The following PCSK2 variants were observed in gnomAD, a reference collection of about 807,000 sequenced individuals.
PCSK2 encodes the protein proprotein convertase subtilisin/kexin type 2.
A neutral mutation model predicts 69.7 loss-of-function variants in PCSK2; 14 were observed. The ratio of observed to expected loss-of-function variants is 0.20; its 90% CI spans 0.13 to 0.31. The LOEUF (loss-of-function observed/expected upper bound fraction) is 0.31. PCSK2 is among the 10% of genes least tolerant of loss of function. PCSK2 has a pLI of 1.00. For missense variants in PCSK2, 544 were observed against 842.5 expected, an observed-to-expected ratio of 0.65 and a Z score of 4.39; for synonymous variants, 307 against 320.7, an observed-to-expected ratio of 0.96 and a Z score of 0.46.
rs1404488117 is a variant in PCSK2 at position 17,453,715 on chromosome 20, C to T, written c.886-27C>T. ...CCCTCGCAGCCCAGGCTGTGGGTAG[C>T]GGCAGCGTCTCCCCTGCTCTCCCCA... On this transcript the variant is annotated intron_variant, in intron 8 of 11. Transcript: ENST00000262545. The surrounding 1 kb of genome is among the most constrained non-coding windows in gnomAD (Gnocchi z 4.0). 1.9e-6 allele frequency: 3 copies of T among 1,608,600 alleles called. No individual in the cohort carries two copies. The highest frequency in any genetic ancestry group is 2.2e-5 in the East Asian group (1 of 44,838).
intron 2 of PCSK2, among the ~76,000 whole-genome samples, chr20:17,284,724 A>G (rs1988452537): frequency 6.6e-6 from 1 of 152,200 alleles, no homozygotes; most frequent in Non-Finnish European, 1.5e-5. Flanking sequence ...AGATTTAACC[A>G]TAGGGCCACC....
At chr20:17,360,683 C>G in intron 4 of PCSK2, 43 bp downstream of exon 4, 1 of 1,121,054 alleles carries the variant, frequency 8.9e-7, no homozygotes, top group Non-Finnish European at 1.3e-6. Context: ...AATAAGCGTG[C>G]CTTTGCTTGC....
intron 4 of PCSK2, among the ~76,000 whole-genome samples, chr20:17,365,725 G>C (rs1225173967): frequency 6.6e-6 from 1 of 152,190 alleles, no homozygotes; most frequent in African/African-American, 2.4e-5. Context: ...TTCCCAAAGG[G>C]AGAAATAGGA....
At chr20:17,455,843 G>T (rs143004792) in intron 9 of PCSK2, among the ~76,000 whole-genome samples, 3 of 152,138 alleles carry the variant, frequency 2.0e-5, no homozygotes, top group Non-Finnish European at 4.4e-5. Flanking sequence ...CCCCTTTTAC[G>T]TGGGCTACTA....
At chr20:17,362,655 G>A (rs577427053) in intron 4 of PCSK2, among the ~76,000 whole-genome samples, 1 of 152,334 alleles carries the variant, frequency 6.6e-6, no homozygotes, top group East Asian at 1.9e-4. Context: ...AAGAGAAGAA[G>A]CAGAAGCTGC....
Position 17,227,372 on chromosome 20 carries a change from G to T in PCSK2, c.67G>T (p.Ala23Ser). The T allele has an allele frequency of 1.2e-6, 2 of 1,613,936 alleles. No individual in the cohort carries two copies. The highest frequency in any genetic ancestry group is 1.7e-6 in the Non-Finnish European group (2 of 1,179,904). ...GTTCCTCTTCTGTGTCATGGTTTTTGCATCTGCTGAGCGACCGGTCTTCAC... is the reference window on the plus strand; with the variant it reads ...GTTCCTCTTCTGTGTCATGGTTTTTTCATCTGCTGAGCGACCGGTCTTCAC... ...AGFLFCVMVFASAERPVFTNH... is the reference protein window; with the variant it reads ...AGFLFCVMVFSSAERPVFTNH... The change falls in exon 1 of 12, where the codon GCA (alanine) becomes TCA (serine). Residue 23 changes from alanine (A) to serine (S), a missense_variant. Around this residue, in one of 3 missense-constraint regions of PCSK2, gnomAD observed 157 missense variants for 155.0 expected, o/e 1.01. Transcript: ENST00000262545.
chr20:17,345,029 C>T (rs915402215), intron 2 of PCSK2, among the ~76,000 whole-genome samples: 2 of 152,204 alleles, frequency 1.3e-5, no homozygotes, highest in African/African-American at 2.4e-5. Context: ...TAAGTGATAA[C>T]ACCTGGATGT....
chr20:17,303,492 T>TATAATATATA (rs1568593606), intron 2 of PCSK2, among the ~76,000 whole-genome samples: 2 of 57,782 alleles, frequency 3.5e-5, no homozygotes, highest in Non-Finnish European at 7.2e-5. Context: ...ATATATTATA[T>TATAATATATA]TTAATATAAT....
In PCSK2 at chr20:17,370,638, C is replaced by T. The variant is rs146038437; in HGVS notation, c.543+1361C>T. Among the ~76,000 whole-genome samples the T allele has an allele frequency of 2.6e-5, 4 of 152,268 alleles. No individual in the cohort carries two copies. The East Asian group carries it at 7.7e-4, about 29-fold the overall frequency. ...TGTGTGTGGAGTCTGAGGAAACAGC[C>T]CTTCTCCCTGTCTCCTCATGGTGCC... On this transcript the variant is annotated intron_variant, in intron 5 of 11. Coordinates refer to ENST00000262545, the MANE Select transcript of PCSK2 (RefSeq NM_002594.5).
chr20:17,429,345 T>C (rs942257988), intron 6 of PCSK2, 90 bp from the exon 7 acceptor site: 36 of 915,616 alleles, frequency 3.9e-5, no homozygotes, highest in Non-Finnish European at 6.3e-5. Flanking sequence ...GCAGATTTCA[T>C]TTTTGTTCCA....
In PCSK2 at chr20:17,481,630, G is replaced by A; in HGVS notation, c.1477G>A (p.Ala493Thr). 1 of 1,614,014 alleles carries A rather than the reference G, an allele frequency of 6.2e-7. No homozygotes were observed. The highest frequency in any genetic ancestry group is 8.5e-7 in the Non-Finnish European group (1 of 1,179,992). ...GKLVLTLTTD[A>T]CEGKENFVRY... Reference sequence around the variant, plus strand: ...GTTGGTGCTGACACTCACAACCGACGCCTGTGAGGGGAAGGAAAATTTTGT... The same window carrying A: ...GTTGGTGCTGACACTCACAACCGACACCTGTGAGGGGAAGGAAAATTTTGT... Residue 493 changes from alanine (A) to threonine (T), a missense_variant, in exon 12 of 12, where the codon GCC becomes ACC. Coordinates refer to ENST00000262545, the MANE Select transcript of PCSK2 (RefSeq NM_002594.5).
intron 10 of PCSK2, among the ~76,000 whole-genome samples, chr20:17,458,397 C>T (rs963788376): frequency 2.0e-5 from 3 of 152,180 alleles, no homozygotes; most frequent in Non-Finnish European, 2.9e-5. Flanking sequence ...GTTTGTTCTA[C>T]CTCCAGGCAA....
At chr20:17,313,688 G>A (rs939334531) in intron 2 of PCSK2, among the ~76,000 whole-genome samples, 38 of 152,236 alleles carry the variant, frequency 2.5e-4, no homozygotes, top group African/African-American at 7.9e-4. Context: ...GGGTCACTGC[G>A]GGGTGATTCA....
At chr20:17,420,615 A>C (rs2123322848) in intron 6 of PCSK2, among the ~76,000 whole-genome samples, 1 of 152,346 alleles carries the variant, frequency 6.6e-6, no homozygotes, top group Non-Finnish European at 1.5e-5. Context: ...TGGTAAAAGA[A>C]AGACCTATAT....
In PCSK2 at chr20:17,238,259, T is replaced by C. The variant is rs78168855; in HGVS notation, c.177+10777T>C. Among the ~76,000 whole-genome samples, 879 of 144,356 alleles carry C rather than the reference T, an allele frequency of 6.1e-3. 14 individuals are homozygous for C. Among genetic ancestry groups the C allele is most frequent in the African/African-American group, 0.021 (817 of 38,744 alleles). The allele number at this position is 144,356 out of a possible 152,430, so 94.7% of individuals were successfully genotyped here. On this transcript the variant is annotated intron_variant, in intron 1 of 11. Transcript: ENST00000262545. ...CACTTGATGTGGTTTTAAAGGTATT[T>C]ATGAATTAATAATTTCTTAGCACTT...
intron 10 of PCSK2, chr20:17,464,780 C>T (rs2033071447): frequency 6.1e-6 from 1 of 164,290 alleles, no homozygotes; most frequent in East Asian, 1.6e-4. Flanking sequence ...CTATAAGTTA[C>T]ACCTCAATTA....
chr20:17,409,125 A>G (rs549403106), intron 5 of PCSK2, 138 bp from the exon 6 acceptor site: 2 of 664,300 alleles, frequency 3.0e-6, no homozygotes, highest in Non-Finnish European at 5.4e-6. Flanking sequence ...CTCCAACACA[A>G]TTTTGTGAGG....
intron 7 of PCSK2, among the ~76,000 whole-genome samples, chr20:17,432,694 C>T (rs1281173612): frequency 6.6e-6 from 1 of 152,076 alleles, no homozygotes; most frequent in Non-Finnish European, 1.5e-5. Context: ...AATGACCTTC[C>T]AAATGATGGT....
intron 1 of PCSK2, among the ~76,000 whole-genome samples, chr20:17,242,937 C>T (rs1379584694): frequency 1.3e-5 from 2 of 152,136 alleles, no homozygotes; most frequent in Non-Finnish European, 2.9e-5. Context: ...TTTTATGGGA[C>T]AGCATATGAT....
Sources: allele counts gnomAD v4.1 joint callset (sites outside exome capture counted in the v4.1 genomes callset), GRCh38; gene constraint gnomAD v4.1.1; regional missense constraint gnomAD v4.1.1; non-coding constraint Gnocchi (gnomAD v3.1); transcripts MANE v1.5; gene names NCBI Gene and HGNC (gene_info 2026-07-23, HGNC 2026-07-21).